The following C2orf69 variants were observed in gnomAD, a reference collection of about 807,000 sequenced individuals.
C2orf69 encodes mitochondrial protein C2orf69.
Under a neutral mutation model 29.5 loss-of-function variants are expected in C2orf69, and 19 were observed. The ratio of observed to expected loss-of-function variants is 0.65; its 90% confidence interval spans 0.45 to 0.95. C2orf69 has a LOEUF of 0.95. Ranked by LOEUF, C2orf69 falls within the 40% of genes least tolerant of loss-of-function variation. The pLI is 0.00. For missense variants in C2orf69, 416 were observed against 482.1 expected, an observed-to-expected ratio of 0.86 and a Z score of 1.28; for synonymous variants, 194 against 180.0, an observed-to-expected ratio of 1.08 and a Z score of -0.62.
rs974597838 is a variant in C2orf69 at position 199,911,543 on chromosome 2, G to A, written c.105G>A (p.Pro35=). Residue 35 remains proline, a synonymous_variant, in exon 1 of 2, where the codon CCG becomes CCA. Transcript: ENST00000319974. ...GCTCTCAGGCCAGAACCATGAACCC[G>A]GGCGGCAGCGGCGGCGCGCGATGCT... ...SSCSQARTMN[P]GGSGGARCSL... 9 of 1,549,608 alleles carry A rather than the reference G, an allele frequency of 5.8e-6. No individual in the cohort carries two copies. The highest frequency in any genetic ancestry group is 7.8e-6 in the Non-Finnish European group (9 of 1,146,714).
At chr2:199,921,197 G>A (rs2077314661) in intron 1 of C2orf69, among the ~76,000 whole-genome samples, 1 of 151,490 alleles carries the variant, frequency 6.6e-6, no homozygotes, top group Non-Finnish European at 1.5e-5. Context: ...AGTAGAGACG[G>A]GGTTTCACCA....
rs530956787 is a variant in C2orf69, at chr2:199,915,736, C to CA, written c.333+3968dup. Among the ~76,000 whole-genome samples the CA allele has an allele frequency of 1.2e-4, 19 of 152,078 alleles. No homozygotes were observed. The South Asian group carries it at 3.3e-3, about 27-fold the overall frequency. ...TTCACCATGTTGACCAGGCTGGTCT[C>CA]AAACTCCTGACCTCAGGTGATCCTC... On this transcript the variant is annotated intron_variant, in intron 1 of 1. Coordinates refer to ENST00000319974, the MANE Select transcript of C2orf69 (RefSeq NM_153689.6).
In C2orf69 at chr2:199,927,696, T is replaced by TAG; in HGVS notation, c.*1810_*1811insAG. On this transcript the variant is annotated 3_prime_UTR_variant, in exon 2 of 2. Transcript: ENST00000319974. ...TGATTTTAACATTTTACATATTACATTGCCTTTAAGCACTATGATTGGATG... is the reference window on the plus strand; with the variant it reads ...TGATTTTAACATTTTACATATTACATAGTGCCTTTAAGCACTATGATTGGATG... The TAG allele has an allele frequency of 6.6e-6, 1 of 152,162 alleles. No individual in the cohort carries two copies. Among genetic ancestry groups the TAG allele is most frequent in the Admixed American group, 6.5e-5 (1 of 15,276 alleles). 9.4% of individuals were successfully genotyped at this position (152,162 alleles called of 1,614,324 possible). A position where few individuals can be genotyped will look rare whatever the true frequency, so the allele number is the denominator to read the frequency against.
At chr2:199,913,949 C>A (rs554900276) in intron 1 of C2orf69, among the ~76,000 whole-genome samples, 21 of 152,084 alleles carry the variant, frequency 1.4e-4, no homozygotes, top group Non-Finnish European at 2.1e-4. Flanking sequence ...TGGGTTTGAA[C>A]CCTGATTTAG....
intron 1 of C2orf69, among the ~76,000 whole-genome samples, chr2:199,920,963 A>G (rs2077313248): frequency 6.8e-6 from 1 of 147,064 alleles, no homozygotes; most frequent in Non-Finnish European, 1.5e-5. Context: ...CAAAAAAAAA[A>G]AAAAAAAAAA....
chr2:199,922,300 A>T (rs930208708), intron 1 of C2orf69, among the ~76,000 whole-genome samples: 6 of 151,658 alleles, frequency 4.0e-5, no homozygotes, highest in African/African-American at 1.5e-4. Context: ...ACAGGATTTC[A>T]CATGTTGCTC....
At chr2:199,923,494 G>T (rs1490310114) in intron 1 of C2orf69, among the ~76,000 whole-genome samples, 1 of 152,102 alleles carries the variant, frequency 6.6e-6, no homozygotes, top group African/African-American at 2.4e-5. Context: ...AAGTATATTT[G>T]GAACAAGTTG....
chr2:199,913,673 T>A (rs2077283161), intron 1 of C2orf69, among the ~76,000 whole-genome samples: 2 of 150,050 alleles, frequency 1.3e-5, no homozygotes, highest in Non-Finnish European at 3.0e-5. Flanking sequence ...AACTACTACT[T>A]AGATTTAAGA....
intron 1 of C2orf69, among the ~76,000 whole-genome samples, chr2:199,924,461 A>G (rs2077328467): frequency 6.6e-6 from 1 of 152,224 alleles, no homozygotes; most frequent in African/African-American, 2.4e-5. Context: ...AGAAATCCAG[A>G]CTTAAATTAC....
At chr2:199,914,335 C>T (rs79467703) in intron 1 of C2orf69, among the ~76,000 whole-genome samples, 3 of 152,168 alleles carry the variant, frequency 2.0e-5, no homozygotes, top group East Asian at 3.8e-4. Context: ...CCTAAAATCT[C>T]TGGATCTTTA....
chr2:199,917,727 T>C lies in C2orf69; in HGVS notation c.333+5956T>C, dbSNP rs140439776. On this transcript the variant is annotated intron_variant, in intron 1 of 1. Transcript: ENST00000319974. ...CATTTTCCTGTTTTCTTCTGAGCCCTACAGACTGTTCCAACCTCTGCCTGT... is the reference window on the plus strand; with the variant it reads ...CATTTTCCTGTTTTCTTCTGAGCCCCACAGACTGTTCCAACCTCTGCCTGT... Among the ~76,000 whole-genome samples, 317 of 152,338 alleles carry C rather than the reference T, an allele frequency of 2.1e-3. 2 individuals carry two copies. Among genetic ancestry groups the C allele is most frequent in the African/African-American group, 7.3e-3 (305 of 41,576 alleles).
At chr2:199,911,879 C>T in intron 1 of C2orf69, 108 bp downstream of exon 1, 1 of 1,446,184 alleles carries the variant, frequency 6.9e-7, no homozygotes, top group Non-Finnish European at 9.3e-7. Context: ...TGCCTGAACA[C>T]ACCCACACAT....
At chr2:199,912,246 TG>T (rs2077266997) in intron 1 of C2orf69, among the ~76,000 whole-genome samples, 1 of 150,990 alleles carries the variant, frequency 6.6e-6, no homozygotes, top group Admixed American at 6.6e-5. Context: ...TAAAAAAGAG[TG>T]GGGATGGGTG....
At chr2:199,922,265 TTTG>T (rs1377840671) in intron 1 of C2orf69, among the ~76,000 whole-genome samples, 11 of 151,608 alleles carry the variant, frequency 7.3e-5, no homozygotes, top group Middle Eastern at 3.4e-3. Context: ...CCTGCCAATT[TTTG>T]TTGTTGTTGT....
rs1574775470 is a variant in C2orf69 at position 199,911,326 on chromosome 2, C to T, written c.-113C>T. ...TCGTCGCCTCAGCGCCGGCTCCCGG[C>T]CGGGCCGCGGCCGCCGACCGTTGAG... On this transcript the variant is annotated 5_prime_UTR_variant, in exon 1 of 2. Coordinates refer to ENST00000319974, the MANE Select transcript of C2orf69 (RefSeq NM_153689.6). 14 of 1,281,688 alleles carry T rather than the reference C, an allele frequency of 1.1e-5. No homozygotes were observed. In the East Asian group the frequency reaches 4.0e-4, roughly 36 times the overall value. The allele number at this position is 1,281,688 out of a possible 1,614,324, so 79.4% of individuals were successfully genotyped here.
intron 1 of C2orf69, among the ~76,000 whole-genome samples, chr2:199,917,224 A>G (rs148336682): frequency 0.013 from 2,050 of 152,296 alleles, 16 homozygotes; most frequent in South Asian, 0.028. Flanking sequence ...CCCAGCCCAC[A>G]AAACCATTTT....
At chr2:199,921,641 T>C (rs1455026712) in intron 1 of C2orf69, among the ~76,000 whole-genome samples, 2 of 152,142 alleles carry the variant, frequency 1.3e-5, no homozygotes, top group Non-Finnish European at 2.9e-5. Flanking sequence ...ACCTTAGATG[T>C]CTAACAATTA....
chr2:199,922,947 C>G (rs1471452947), intron 1 of C2orf69, among the ~76,000 whole-genome samples: 2 of 152,214 alleles, frequency 1.3e-5, no homozygotes, highest in South Asian at 4.1e-4. Flanking sequence ...AGCACCTCTC[C>G]TTTTCCCCAA....
In C2orf69 at chr2:199,928,002, C is replaced by G. The variant is rs1372210522; in HGVS notation, c.*2116C>G. The G allele has an allele frequency of 2.0e-5, 3 of 152,434 alleles. No individual in the cohort carries two copies. The highest frequency in any genetic ancestry group is 4.4e-5 in the Non-Finnish European group (3 of 67,976). 9.4% of individuals were successfully genotyped at this position (152,434 alleles called of 1,614,324 possible). On this transcript the variant is annotated 3_prime_UTR_variant, in exon 2 of 2. Transcript: ENST00000319974. ...AGAGTAAGTCACCAGGTACACAAAA[C>G]TGCCATCATAGCAAAATGAGACAGT...
Sources: gnomAD v4.1 joint callset for allele counts (sites outside exome capture counted in the v4.1 genomes callset) on GRCh38, gnomAD v4.1.1 for gene constraint, MANE v1.5 for transcripts, NCBI Gene and HGNC (gene_info 2026-07-23, HGNC 2026-07-21) for gene names.